Variants in KRT79 observed in about 807,000 individuals in gnomAD.
KRT79 encodes the protein keratin 79.
In KRT79, 51 loss-of-function variants were observed where a neutral mutation model predicts 49.0. That is an observed-to-expected ratio of 1.04 (90% CI 0.83 to 1.31). The LOEUF is 1.31. KRT79 is among the 40% of genes most tolerant of loss of function. The pLI is 0.00. For synonymous variants in KRT79, 312 were observed against 286.6 expected (o/e 1.09, Z -0.90); for missense variants, 728 against 688.0 (o/e 1.06, Z -0.65).
At chr12:52,822,258 C>T in intron 8 of KRT79, 87 bp downstream of exon 8, 14 of 1,437,600 alleles carry the variant, frequency 9.7e-6, no homozygotes, top group Non-Finnish European at 1.4e-5. Context: ...GGAGAGCATG[C>T]TTTAGGACAG....
In KRT79 at chr12:52,821,784, TG is replaced by T; in HGVS notation, c.*87del. 8.1e-7 allele frequency: 1 copy of T among 1,229,818 alleles called. No homozygotes were observed. Among genetic ancestry groups the T allele is most frequent in the South Asian group, 1.3e-5 (1 of 77,676 alleles). The allele number at this position is 1,229,818 out of a possible 1,614,324, so 76.2% of individuals were successfully genotyped here. ...GGGTCTGAGGTCCCCTGGCTGTTCCTGCTCCTGAGAAGTGACTGGAAAGGAC... is the reference window on the plus strand; with the variant it reads ...GGGTCTGAGGTCCCCTGGCTGTTCCTCTCCTGAGAAGTGACTGGAAAGGAC... On this transcript the variant is annotated 3_prime_UTR_variant, in exon 9 of 9. Coordinates refer to ENST00000330553, the MANE Select transcript of KRT79 (RefSeq NM_175834.3).
Position 52,830,094 on chromosome 12 carries a change from G to T in KRT79, c.784C>A (p.Arg262=), listed in dbSNP as rs117827952. 538 of 1,614,076 alleles carry T rather than the reference G, an allele frequency of 3.3e-4. No homozygotes were observed. Among genetic ancestry groups the T allele is most frequent in the Non-Finnish European group, 4.2e-4 (499 of 1,180,014 alleles). Residue 262 remains arginine, a synonymous_variant, in exon 4 of 9, where the codon CGG becomes AGG. Transcript: ENST00000330553. ...CCCACTTTGCCATGCAGATCCATCC[G>T]GCCCATGTATGCTGCATCCACATCC... The part of the protein sequence containing the change: ...KKDVDAAYMG[R]MDLHGKVGTL...
In KRT79 at chr12:52,830,088, C is replaced by T; in HGVS notation, c.790G>A (p.Asp264Asn). ...AAGGTGCCCACTTTGCCATGCAGAT[C>T]CATCCGGCCCATGTATGCTGCATCC... ...DVDAAYMGRM[D>N]LHGKVGTLTQ... Residue 264 changes from aspartate to asparagine, a missense_variant, in exon 4 of 9, where the codon GAT becomes AAT. Transcript: ENST00000330553. 6.2e-7 allele frequency: 1 copy of T among 1,614,174 alleles called. No homozygotes were observed. The highest frequency in any genetic ancestry group is 8.5e-7 in the Non-Finnish European group (1 of 1,180,026).
At chr12:52,823,740 T>TC (rs1241370417) in intron 6 of KRT79, 147 bp downstream of exon 6, 12 of 915,060 alleles carry the variant, frequency 1.3e-5, no homozygotes, top group South Asian at 1.8e-5. Context: ...TGCCTCAGTT[T>TC]CCCCCCATGT....
chr12:52,831,381 GC>G, intron 2 of KRT79, 24 bp downstream of exon 2: 2 of 1,606,764 alleles, frequency 1.2e-6, no homozygotes. Context: ...CTCCCACATG[GC>G]CCCGCCTGGC....
In KRT79 at chr12:52,834,296, A is replaced by T. The variant is rs1940304801; in HGVS notation, c.-36T>A. On this transcript the variant is annotated 5_prime_UTR_variant, in exon 1 of 9. Coordinates refer to ENST00000330553, the MANE Select transcript of KRT79 (RefSeq NM_175834.3). ...GGGCCGGAGGGCAGGATGAGAGGGC[A>T]GGAAGGGAGTGCCGTGAGCTGCTGG... The T allele has an allele frequency of 6.5e-7, 1 of 1,546,602 alleles. No homozygotes were observed. The highest frequency in any genetic ancestry group is 8.9e-7 in the Non-Finnish European group (1 of 1,120,938).
chr12:52,828,885 G>A (rs1940211052), intron 4 of KRT79, among the ~76,000 whole-genome samples: 1 of 151,780 alleles, frequency 6.6e-6, no homozygotes, highest in Non-Finnish European at 1.5e-5. Flanking sequence ...TTTTTATCCT[G>A]TCATCATCAT....
intron 2 of KRT79, 33 bp downstream of exon 2, chr12:52,831,373 C>T (rs372942117): frequency 6.2e-7 from 1 of 1,601,742 alleles, no homozygotes; most frequent in Non-Finnish European, 8.6e-7. Context: ...CCTCCTCACT[C>T]CCACATGGCC....
At chr12:52,824,600 T>C (rs374300338) in intron 4 of KRT79, among the ~76,000 whole-genome samples, 2 of 152,194 alleles carry the variant, frequency 1.3e-5, no homozygotes, top group East Asian at 3.8e-4. Flanking sequence ...TTCCAAAAGA[T>C]TAGAGAGGGT....
Position 52,823,008 on chromosome 12 carries a change from G to T in KRT79, c.1367+8C>A, listed in dbSNP as rs770270366. The T allele has an allele frequency of 6.2e-7, 1 of 1,613,492 alleles. No homozygotes were observed. Among genetic ancestry groups the T allele is most frequent in the Non-Finnish European group, 8.5e-7 (1 of 1,179,888 alleles). ...CAGCTTTCTGGGTCGGGCAGGAGGG[G>T]CCACCACCTGCTCTCCTCGCTCTCC... is the stretch of plus-strand genomic sequence containing the variant. On this transcript the variant is annotated splice_region_variant and intron_variant, in intron 7 of 8. Coordinates refer to ENST00000330553, the MANE Select transcript of KRT79 (RefSeq NM_175834.3).
At position 52,831,487 on chromosome 12, in the gene KRT79, A is replaced by G. The variant is rs1940254302; in HGVS notation, c.617T>C (p.Leu206Pro). 1 of 1,614,256 alleles carries G rather than the reference A, an allele frequency of 6.2e-7. No individual in the cohort carries two copies. The highest frequency in any genetic ancestry group is 2.2e-5 in the East Asian group (1 of 44,890). ...EAYLGSMRST[L>P]DRLQSERGRL... The stretch of plus-strand genomic sequence containing the variant: ...CCCCCGCTCGCTCTGAAGTCTGTCC[A>G]GCGTGCTCCGCATGCTACCCAGGTA... Residue 206 changes from leucine (L) to proline (P), a missense_variant, in exon 2 of 9, where the codon CTG (leucine) becomes CCG (proline). By Grantham distance (98) the Leu-to-Pro change is moderately conservative. Coordinates refer to ENST00000330553, the MANE Select transcript of KRT79 (RefSeq NM_175834.3).
chr12:52,821,613 C>CGCCGTATCATTAAAA lies in KRT79; in HGVS notation c.*258_*259insTTTTAATGATACGGC. ...AGAAATTCAGCCTCCTCTCGGTGGT[C>CGCCGTATCATTAAAA]AAAAGGTCACCCCCAAGTCACCCAA... On this transcript the variant is annotated 3_prime_UTR_variant, in exon 9 of 9. Coordinates refer to ENST00000330553, the MANE Select transcript of KRT79 (RefSeq NM_175834.3). 1 of 494,332 alleles carries CGCCGTATCATTAAAA rather than the reference C, an allele frequency of 2.0e-6. No individual in the cohort carries two copies. The highest frequency in any genetic ancestry group is 3.6e-6 in the Non-Finnish European group (1 of 276,414). The allele number at this position is 494,332 out of a possible 1,614,324, so 30.6% of individuals were successfully genotyped here. A position where few individuals can be genotyped will look rare whatever the true frequency, so the allele number is the denominator to read the frequency against.
intron 5 of KRT79, 30 bp downstream of exon 5, chr12:52,824,168 C>A: frequency 6.2e-7 from 1 of 1,614,024 alleles, no homozygotes. Flanking sequence ...CGACCCCAGG[C>A]CTCACACCTG....
At position 52,834,238 on chromosome 12, in the gene KRT79, T is replaced by G; in HGVS notation, c.23A>C (p.Gln8Pro). The G allele has an allele frequency of 1.9e-6, 3 of 1,613,494 alleles. No homozygotes were observed. The highest frequency in any genetic ancestry group is 2.5e-6 in the Non-Finnish European group (3 of 1,180,012). ...GAAGCCCCCTTTTGTGGAGTATGTT[T>G]GCCGAGAGACGGAGGACCTCATAGC... is the stretch of plus-strand genomic sequence containing the variant. The part of the protein sequence containing the change: MRSSVSR[Q>P]TYSTKGGFSS... The change falls in exon 1 of 9, where the codon CAA (glutamine) becomes CCA (proline). Residue 8 changes from glutamine to proline, a missense_variant. By Grantham distance (76) the Gln-to-Pro change is moderately conservative. Coordinates refer to ENST00000330553, the MANE Select transcript of KRT79 (RefSeq NM_175834.3).
At position 52,831,409 on chromosome 12, in the gene KRT79, T is replaced by C. The variant is rs1229434855; in HGVS notation, c.695A>G (p.Asn232Ser). 6.2e-7 allele frequency: 1 copy of C among 1,614,030 alleles called. No homozygotes were observed. The highest frequency in any genetic ancestry group is 1.3e-5 in the African/African-American group (1 of 74,916). Residue 232 changes from asparagine (N) to serine (S), a missense_variant, in exon 2 of 9, where the codon AAC (asparagine) becomes AGC (serine). By Grantham distance (46) the Asn-to-Ser change is conservative. Coordinates refer to ENST00000330553, the MANE Select transcript of KRT79 (RefSeq NM_175834.3). ...NVQDLVEDFKNKYEDEINKHT... is the reference protein window; with the variant it reads ...NVQDLVEDFKSKYEDEINKHT... ...CCGCCTGGCCTGCTCTCCTCACTTG[T>C]TCTTGAAGTCCTCCACAAGGTCCTG...
chr12:52,831,474 C>T lies in KRT79; in HGVS notation c.630G>A (p.Gln210=). 6.2e-7 allele frequency: 1 copy of T among 1,614,256 alleles called. No homozygotes were observed. The highest frequency in any genetic ancestry group is 2.2e-5 in the East Asian group (1 of 44,892). ...GSMRSTLDRL[Q]SERGRLDSEL... is the part of the protein sequence containing the mutation. ...CTGAGTCCAGCCTCCCCCGCTCGCTCTGAAGTCTGTCCAGCGTGCTCCGCA... is the reference window on the plus strand; with the variant it reads ...CTGAGTCCAGCCTCCCCCGCTCGCTTTGAAGTCTGTCCAGCGTGCTCCGCA... Residue 210 remains glutamine, a synonymous_variant, in exon 2 of 9, where the codon CAG becomes CAA. Transcript: ENST00000330553.
Position 52,824,381 on chromosome 12 carries a change from C to T in KRT79, c.856-19G>A. On this transcript the variant is annotated intron_variant, in intron 4 of 8. Coordinates refer to ENST00000330553, the MANE Select transcript of KRT79 (RefSeq NM_175834.3). ...TCAGCTCCTGAAGAATCAGAGACAG[C>T]TGCCACCAGCACCCCTGCTCCAGGC... 6.2e-7 allele frequency: 1 copy of T among 1,610,594 alleles called. No individual in the cohort carries two copies. Among genetic ancestry groups the T allele is most frequent in the Middle Eastern group, 1.7e-4 (1 of 6,046 alleles).
In KRT79 at chr12:52,833,910, G is replaced by A. The variant is rs764022633; in HGVS notation, c.351C>T (p.Val117=). The A allele has an allele frequency of 6.2e-7, 1 of 1,613,820 alleles. No homozygotes were observed. The highest frequency in any genetic ancestry group is 1.7e-5 in the Admixed American group (1 of 60,002). Residue 117 remains valine (V), a synonymous_variant, in exon 1 of 9, where the codon GTC becomes GTT. Transcript: ENST00000330553. ...GGGTCAGCAGGCTCTGGTTGACAGT[G>A]ACCTCCTGGATCCCCCCAGGAGGAC... ...PACPPGGIQE[V]TVNQSLLTPL... is the part of the protein sequence containing the mutation.
intron 4 of KRT79, among the ~76,000 whole-genome samples, chr12:52,825,990 G>T (rs1940169874): frequency 6.6e-6 from 1 of 152,090 alleles, no homozygotes; most frequent in Non-Finnish European, 1.5e-5. Context: ...CACTGGAGGT[G>T]CCCATAAGGT....
Sources: allele counts gnomAD v4.1 joint callset (sites outside exome capture counted in the v4.1 genomes callset), GRCh38; gene constraint gnomAD v4.1.1; transcripts MANE v1.5; gene names NCBI Gene and HGNC (gene_info 2026-07-23, HGNC 2026-07-21).